Variants in LMF1 observed in about 807,000 individuals in gnomAD.
LMF1 encodes transmembrane protein 112.
Under a neutral mutation model 60.6 loss-of-function variants are expected in LMF1, and 68 were observed. The observed-to-expected ratio is 1.12, with a 90% CI of 0.92 to 1.37. The LOEUF (loss-of-function observed/expected upper bound fraction) is 1.37. Among genes scored for constraint, LMF1 ranks in the 40% most tolerant of loss-of-function variants. LMF1 has a pLI of 0.00. For synonymous variants in LMF1, 418 were observed against 324.7 expected (o/e 1.29, Z -3.09); for missense variants, 948 against 767.2 (o/e 1.24, Z -2.78).
At chr16:872,400 C>T (rs935286909) in intron 6 of LMF1, 1 of 152,282 alleles carries the variant, frequency 6.6e-6, no homozygotes, top group African/African-American at 2.4e-5. Context: ...GTTTTATGAA[C>T]TGTGCACTCA....
intron 2 of LMF1, among the ~76,000 whole-genome samples, chr16:941,489 C>G (rs79504564): frequency 0.03 from 4,553 of 152,322 alleles, 112 homozygotes; most frequent in Admixed American, 0.046. Flanking sequence ...TCCCAAAGTG[C>G]TGGCATTACA....
intron 2 of LMF1, among the ~76,000 whole-genome samples, chr16:937,188 T>C (rs528157458): frequency 6.6e-6 from 1 of 152,232 alleles, no homozygotes; most frequent in Non-Finnish European, 1.5e-5. Flanking sequence ...AATCTTTAAA[T>C]AGCAGGTTTT....
At position 953,012 on chromosome 16, in the gene LMF1, GCCTCCTACATATCCACACAGAC is replaced by G. The variant is rs1367478083; in HGVS notation, c.503+1323_503+1344del. Reference sequence around the variant, plus strand: ...ATATCCACACAGACACCCCAAACCAGCCTCCTACATATCCACACAGACACCCCAAACCAGCCTCCTACACGTC... The same window carrying G: ...ATATCCACACAGACACCCCAAACCAGACCCCAAACCAGCCTCCTACACGTC... On this transcript the variant is annotated intron_variant, in intron 2 of 10. Coordinates refer to ENST00000262301, the MANE Select transcript of LMF1 (RefSeq NM_022773.4). Among the ~76,000 whole-genome samples the G allele has an allele frequency of 8.9e-4, 26 of 29,194 alleles. 3 individuals are homozygous for G. Among genetic ancestry groups the G allele is most frequent in the African/African-American group, 5.4e-3 (14 of 2,594 alleles). 19.2% of individuals were successfully genotyped at this position (29,194 alleles called of 152,430 possible). A position where few individuals can be genotyped will look rare whatever the true frequency, so the allele number is the denominator to read the frequency against.
chr16:913,003 G>A (rs866985128), intron 3 of LMF1, among the ~76,000 whole-genome samples: 2 of 152,192 alleles, frequency 1.3e-5, no homozygotes, highest in African/African-American at 2.4e-5. Flanking sequence ...GCACCCGAAC[G>A]AGGCGGCAAC....
At chr16:972,946 AGCAGGTCACCGGGG>A (rs1342817969), upstream of LMF1, among the ~76,000 whole-genome samples, 2 of 152,156 alleles carry the variant, frequency 1.3e-5, no homozygotes, top group Admixed American at 1.3e-4. Flanking sequence ...ATGGCTCCAG[AGCAGGTCACCGGGG>A]GCAGGGCTTG....
chr16:882,999 T>C (rs1399710765), intron 5 of LMF1, among the ~76,000 whole-genome samples: 3 of 106,428 alleles, frequency 2.8e-5, no homozygotes, highest in Non-Finnish European at 5.5e-5. Context: ...CGGCAGAGCC[T>C]ATCACAGGAC....
chr16:951,829 G>A (rs1001393836), intron 2 of LMF1, among the ~76,000 whole-genome samples: 27 of 152,302 alleles, frequency 1.8e-4, no homozygotes, highest in Admixed American at 1.3e-3. Context: ...CCACTTCACC[G>A]TCCAGACACT....
chr16:867,766 C>G (rs562893899), intron 10 of LMF1, among the ~76,000 whole-genome samples: 1 of 152,296 alleles, frequency 6.6e-6, no homozygotes, highest in East Asian at 1.9e-4. Flanking sequence ...GACCCCATAG[C>G]CCCTCTGCCC....
Position 977,992 on chromosome 16 carries a change from G to A in LMF1, c.-135+3153C>T, listed in dbSNP as rs1418382862. On this transcript the variant is annotated intron_variant, in intron 1 of 6. Transcript: ENST00000570014. ...CACACACCCCACCACACACATACAC[G>A]CACACACACACACCACACACACACA... 5.7e-3 allele frequency among the ~76,000 whole-genome samples: 125 copies of A among 21,766 alleles called. 1 individual carries two copies. The highest frequency in any genetic ancestry group is 0.022 in the African/African-American group (48 of 2,158). 14.3% of individuals were successfully genotyped at this position (21,766 alleles called of 152,430 possible). A position where few individuals can be genotyped will look rare whatever the true frequency, so the allele number is the denominator to read the frequency against.
At chr16:904,532 A>G (rs1438414748) in intron 4 of LMF1, among the ~76,000 whole-genome samples, 1 of 72,922 alleles carries the variant, frequency 1.4e-5, no homozygotes, top group African/African-American at 8.3e-5. Context: ...TGACCTCTGC[A>G]TCGCCCACAG....
intron 2 of LMF1, among the ~76,000 whole-genome samples, chr16:940,836 C>T (rs1177012986): frequency 6.6e-6 from 1 of 152,184 alleles, no homozygotes; most frequent in East Asian, 1.9e-4. Flanking sequence ...TTCTGATCTT[C>T]TATGTCTTCT....
intron 1 of LMF1, chr16:964,188 C>T (rs146629145): frequency 8.9e-5 from 40 of 450,366 alleles, no homozygotes; most frequent in Non-Finnish European, 1.5e-4. Context: ...CCCAGCTACT[C>T]GGGAGGCTGA....
At position 962,496 on chromosome 16, in the gene LMF1, G is replaced by C. The variant is rs1027492852; in HGVS notation, c.194-7830C>G. Among the ~76,000 whole-genome samples the C allele has an allele frequency of 6.6e-6, 1 of 152,204 alleles. No homozygotes were observed. Among genetic ancestry groups the C allele is most frequent in the African/African-American group, 2.4e-5 (1 of 41,452 alleles). ...ACACCTGGCAGGCAGACCTTGGCCG[G>C]GTGATCAGAAAGCCGTGCGGACGTC... On this transcript the variant is annotated intron_variant, in intron 1 of 10. Coordinates refer to ENST00000262301, the MANE Select transcript of LMF1 (RefSeq NM_022773.4). The surrounding 1 kb of genome is among the most constrained non-coding windows in gnomAD (Gnocchi z 4.5).
chr16:956,458 G>A (rs1319855756), intron 1 of LMF1, among the ~76,000 whole-genome samples: 1 of 151,828 alleles, frequency 6.6e-6, no homozygotes, highest in African/African-American at 2.4e-5. Flanking sequence ...AAAGAAAGCT[G>A]GATCTAATTC....
chr16:880,225 G>A (rs1204251331), intron 5 of LMF1, among the ~76,000 whole-genome samples: 1 of 152,050 alleles, frequency 6.6e-6, no homozygotes, highest in African/African-American at 2.4e-5. Flanking sequence ...ATGGGGCCCG[G>A]GTCCCGAGCC....
At chr16:857,531 A>T (rs374493634) in intron 10 of LMF1, among the ~76,000 whole-genome samples, 274 of 25,500 alleles carry the variant, frequency 0.011, 21 homozygotes, top group African/African-American at 0.056. Flanking sequence ...GAGTGGTGTC[A>T]CGGGACGGGT....
intron 2 of LMF1, among the ~76,000 whole-genome samples, chr16:944,835 T>C (rs1231277044): frequency 6.6e-6 from 1 of 152,158 alleles, no homozygotes; most frequent in East Asian, 1.9e-4. Flanking sequence ...TCGTCTCAAT[T>C]GTCATCCCTG....
intron 4 of LMF1, 30 bp downstream of exon 4, chr16:910,901 C>G: frequency 6.2e-7 from 1 of 1,610,914 alleles, no homozygotes; most frequent in Non-Finnish European, 8.5e-7. Flanking sequence ...CCGTTATTCC[C>G]CAAACACCAC....
intron 4 of LMF1, among the ~76,000 whole-genome samples, chr16:894,314 T>TCCACCCACCCGTCCCCCTGTCCAGCGGAC (rs1476257620): frequency 2.2e-4 from 8 of 35,868 alleles, no homozygotes; most frequent in African/African-American, 6.6e-4. Context: ...GTCCACCGGA[T>TCCACCCACCCGTCCCCCTGTCCAGCGGAC]CGTCCACCCA....
Sources: gnomAD v4.1 joint callset for allele counts (sites outside exome capture counted in the v4.1 genomes callset) on GRCh38, gnomAD v4.1.1 for gene constraint, Gnocchi (gnomAD v3.1) non-coding constraint, MANE v1.5 for transcripts, NCBI Gene and HGNC (gene_info 2026-07-23, HGNC 2026-07-21) for gene names.